TRPC1: variants seen among roughly 807,000 people sequenced by gnomAD.
The protein encoded by TRPC1 is transient receptor potential cation channel subfamily C member 1.
TRPC1 carries 42 observed loss-of-function variants against 88.2 expected under a neutral mutation model. That is an observed-to-expected ratio of 0.48 (90% CI 0.37 to 0.62). The LOEUF (loss-of-function observed/expected upper bound fraction) is 0.62. Ranked by LOEUF, TRPC1 falls within the 20% of genes least tolerant of loss-of-function variation. TRPC1 has a pLI of 0.00. For missense variants in TRPC1, 699 were observed against 957.3 expected (o/e 0.73, Z 3.56); for synonymous variants, 288 against 331.8 (o/e 0.87, Z 1.43).
rs1934596047 is a variant in TRPC1, at chr3:142,747,354, A to G, written c.430-904A>G. Among the ~76,000 whole-genome samples, 3 of 152,330 alleles carry G rather than the reference A, an allele frequency of 2.0e-5. No homozygotes were observed. In the South Asian group the frequency reaches 6.2e-4, roughly 32 times the overall value. On this transcript the variant is annotated intron_variant, in intron 3 of 12. Transcript: ENST00000476941. ...TTTTATAATATTGCAAAAAAAAAGT[A>G]AGTATTAGAAAATACGATAGTTATA...
intron 9 of TRPC1, among the ~76,000 whole-genome samples, chr3:142,800,313 G>A (rs1475033678): frequency 6.6e-6 from 1 of 152,094 alleles, no homozygotes; most frequent in Non-Finnish European, 1.5e-5. Flanking sequence ...AGTACCACAT[G>A]GTCTAGTCAA....
At chr3:142,757,653 G>C (rs1008548541) in intron 4 of TRPC1, among the ~76,000 whole-genome samples, 2 of 151,900 alleles carry the variant, frequency 1.3e-5, no homozygotes, top group Non-Finnish European at 2.9e-5. Context: ...GGGGGATGGG[G>C]GGCAAGGGGA....
intron 6 of TRPC1, among the ~76,000 whole-genome samples, chr3:142,783,509 G>T (rs1936030104): frequency 6.6e-6 from 1 of 152,158 alleles, no homozygotes; most frequent in Non-Finnish European, 1.5e-5. Context: ...TTTCATTCAT[G>T]TGGATTCAAC....
Position 142,776,378 on chromosome 3 carries a change from A to G in TRPC1, c.633-1254A>G, listed in dbSNP as rs1248440577. On this transcript the variant is annotated intron_variant, in intron 4 of 12. Coordinates refer to ENST00000476941, the MANE Select transcript of TRPC1 (RefSeq NM_001251845.2). The surrounding 1 kb of genome is among the most constrained non-coding windows in gnomAD (Gnocchi z 4.1). Reference sequence around the variant, plus strand: ...ATATTAAAAGAAAAATATAATATCTACTAAATTTGTAAATTAAGAATTATA... The same window carrying G: ...ATATTAAAAGAAAAATATAATATCTGCTAAATTTGTAAATTAAGAATTATA... Among the ~76,000 whole-genome samples the G allele has an allele frequency of 6.6e-6, 1 of 152,040 alleles. No individual in the cohort carries two copies. The highest frequency in any genetic ancestry group is 2.4e-5 in the African/African-American group (1 of 41,436).
chr3:142,753,245 T>C (rs747376522), intron 4 of TRPC1, among the ~76,000 whole-genome samples: 4 of 152,172 alleles, frequency 2.6e-5, no homozygotes, highest in Admixed American at 6.5e-5. Context: ...CATAGATCTT[T>C]TAGTATGAGT....
chr3:142,737,662 A>G (rs1462142311), intron 2 of TRPC1, among the ~76,000 whole-genome samples: 1 of 152,188 alleles, frequency 6.6e-6, no homozygotes, highest in Non-Finnish European at 1.5e-5. Flanking sequence ...GCAGTGGAAT[A>G]AAATGAGGAG....
chr3:142,800,844 G>A (rs895252307), intron 9 of TRPC1, among the ~76,000 whole-genome samples: 1 of 151,760 alleles, frequency 6.6e-6, no homozygotes, highest in Non-Finnish European at 1.5e-5. Context: ...CTTGAACTTG[G>A]GAGGCGGAGG....
chr3:142,749,025 G>A (rs1934657265), intron 4 of TRPC1, among the ~76,000 whole-genome samples: 1 of 152,198 alleles, frequency 6.6e-6, no homozygotes, highest in South Asian at 2.1e-4. Flanking sequence ...GATACATGGT[G>A]CTGGACTAGA....
At chr3:142,741,625 ATTC>A (rs1934352620) in intron 2 of TRPC1, among the ~76,000 whole-genome samples, 1 of 152,116 alleles carries the variant, frequency 6.6e-6, no homozygotes, top group Non-Finnish European at 1.5e-5. Flanking sequence ...TAATCTTGCT[ATTC>A]TTTTATTCAG....
In TRPC1 at chr3:142,742,655, A is replaced by C. The variant is rs139303891; in HGVS notation, c.328-830A>C. Among the ~76,000 whole-genome samples, 42 of 152,314 alleles carry C rather than the reference A, an allele frequency of 2.8e-4. No individual in the cohort carries two copies. The East Asian group carries it at 7.3e-3, about 27-fold the overall frequency. ...TAGCAGTTAAAATGTACAGATTGAAAATAATTAGGGCATTTTCTTAGATTA... is the reference window on the plus strand; with the variant it reads ...TAGCAGTTAAAATGTACAGATTGAACATAATTAGGGCATTTTCTTAGATTA... On this transcript the variant is annotated intron_variant, in intron 2 of 12. Transcript: ENST00000476941.
At chr3:142,758,770 T>C (rs1474183948) in intron 4 of TRPC1, among the ~76,000 whole-genome samples, 2 of 152,098 alleles carry the variant, frequency 1.3e-5, no homozygotes, top group Admixed American at 6.6e-5. Flanking sequence ...GTTGGTGTGC[T>C]GCACCGGTTA....
intron 4 of TRPC1, among the ~76,000 whole-genome samples, chr3:142,757,826 T>A (rs1198315643): frequency 3.3e-5 from 5 of 152,024 alleles, no homozygotes; most frequent in Admixed American, 6.5e-5. Context: ...AAAAAAAAAT[T>A]TTTTTGTGGG....
chr3:142,802,851 C>T (rs1329943484), intron 10 of TRPC1, among the ~76,000 whole-genome samples: 4 of 152,118 alleles, frequency 2.6e-5, no homozygotes, highest in South Asian at 2.1e-4. Context: ...AAATTCCTCC[C>T]GTCATTTTTA....
Position 142,806,954 on chromosome 3 carries a change from G to T in TRPC1, c.*719G>T, listed in dbSNP as rs1182537082. The T allele has an allele frequency of 6.6e-6, 1 of 151,412 alleles. No individual in the cohort carries two copies. Among genetic ancestry groups the T allele is most frequent in the Non-Finnish European group, 1.5e-5 (1 of 67,850 alleles). 9.4% of individuals were successfully genotyped at this position (151,412 alleles called of 1,614,324 possible). A position where few individuals can be genotyped will look rare whatever the true frequency, so the allele number is the denominator to read the frequency against. ...GTTAGTCCACATTTAAATTTTTATA[G>T]AATTATATAGTTTTTGAAAAATACA... On this transcript the variant is annotated 3_prime_UTR_variant, in exon 13 of 13. Transcript: ENST00000476941.
At position 142,724,658 on chromosome 3, in the gene TRPC1, G is replaced by A. The variant is rs752600198; in HGVS notation, c.99G>A (p.Ala33=). The change falls in exon 1 of 13, where the codon GCG becomes GCA. Residue 33 remains alanine, a synonymous_variant. Transcript: ENST00000476941. This position sits in a 1 kb window ranked among gnomAD's most constrained non-coding sequence, Gnocchi z 5.6. ...PSSSSPNEVM[A]LKDVREVKEE... is the part of the protein sequence containing the mutation. Reference sequence around the variant, plus strand: ...CTTCCTCGCCGAACGAGGTGATGGCGCTGAAGGATGTGCGGGAGGTGAAGG... The same window carrying A: ...CTTCCTCGCCGAACGAGGTGATGGCACTGAAGGATGTGCGGGAGGTGAAGG... 8.7e-6 allele frequency: 14 copies of A among 1,612,630 alleles called. No individual in the cohort carries two copies. Among genetic ancestry groups the A allele is most frequent in the African/African-American group, 1.3e-5 (1 of 74,690 alleles).
At chr3:142,768,645 G>T (rs1338634458) in intron 4 of TRPC1, among the ~76,000 whole-genome samples, 2 of 151,924 alleles carry the variant, frequency 1.3e-5, no homozygotes, top group African/African-American at 4.8e-5. Context: ...TATTTCTCAT[G>T]TCTCTTTGTT....
intron 10 of TRPC1, among the ~76,000 whole-genome samples, chr3:142,802,905 GTTC>G (rs1379869278): frequency 2.6e-5 from 4 of 152,212 alleles, no homozygotes; most frequent in East Asian, 1.9e-4. Context: ...CATTTGTCAT[GTTC>G]TTATTATGTG....
intron 2 of TRPC1, among the ~76,000 whole-genome samples, chr3:142,738,455 G>C (rs1934221655): frequency 6.6e-6 from 1 of 152,216 alleles, no homozygotes; most frequent in African/African-American, 2.4e-5. Flanking sequence ...GGTAAGTGTT[G>C]AGTGGTAATA....
chr3:142,724,859 C>G lies in TRPC1; in HGVS notation c.172+128C>G, dbSNP rs1338439953. ...GCCGAGTGTCTTCCCGCCTCGCCTG[C>G]TGCCTCAGGCGGTCTTCTCCTCACC... On this transcript the variant is annotated intron_variant, in intron 1 of 12. Transcript: ENST00000476941. The surrounding 1 kb of genome is among the most constrained non-coding windows in gnomAD (Gnocchi z 5.6). 8.9e-7 allele frequency: 1 copy of G among 1,122,522 alleles called. No homozygotes were observed. The highest frequency in any genetic ancestry group is 1.6e-5 in the African/African-American group (1 of 61,598). The allele number at this position is 1,122,522 out of a possible 1,614,324, so 69.5% of individuals were successfully genotyped here. A position where few individuals can be genotyped will look rare whatever the true frequency, so the allele number is the denominator to read the frequency against.
Sources: gnomAD v4.1 joint callset for allele counts (sites outside exome capture counted in the v4.1 genomes callset) on GRCh38, gnomAD v4.1.1 for gene constraint, Gnocchi (gnomAD v3.1) non-coding constraint, MANE v1.5 for transcripts, NCBI Gene and HGNC (gene_info 2026-07-23, HGNC 2026-07-21) for gene names.